Variants in HEATR5A observed in about 807,000 individuals in gnomAD.
The protein encoded by HEATR5A is HEAT repeat-containing protein 5A.
HEATR5A carries 178 observed loss-of-function variants against 218.8 expected under a neutral mutation model. That is an observed-to-expected ratio of 0.81 (90% CI 0.72 to 0.92). HEATR5A has a LOEUF of 0.92. Ranked by LOEUF, HEATR5A falls within the 40% of genes least tolerant of loss-of-function variation. HEATR5A has a pLI of 0.00. For missense variants in HEATR5A, 2,420 were observed against 2,418.9 expected, an observed-to-expected ratio of 1.00 and a Z score of -0.01; for synonymous variants, 864 against 871.6, an observed-to-expected ratio of 0.99 and a Z score of 0.15.
chr14:31,409,507 C>A (rs557775214), intron 1 of HEATR5A, among the ~76,000 whole-genome samples: 1 of 152,216 alleles, frequency 6.6e-6, no homozygotes, highest in South Asian at 2.1e-4. Flanking sequence ...CATGACCAAC[C>A]TGGGCAACAT....
intron 34 of HEATR5A, 98 bp downstream of exon 34, chr14:31,295,811 T>C: frequency 1.1e-6 from 1 of 912,962 alleles, no homozygotes; most frequent in South Asian, 1.7e-5. Context: ...AATTGTAGTC[T>C]AATACTTCCT....
In HEATR5A at chr14:31,400,324, A is replaced by C. The variant is rs960657685; in HGVS notation, c.315T>G (p.Ser105=). The C allele has an allele frequency of 1.3e-6, 2 of 1,533,918 alleles. No individual in the cohort carries two copies. The highest frequency in any genetic ancestry group is 1.7e-6 in the Non-Finnish European group (2 of 1,145,094). ...CNDLIRSKDD[S]PSYLPTKLAA... is the part of the protein sequence containing the mutation. ...ACAGCTTAGTGGGAAGATAACTTGG[A>C]GAATCATCTTTGCTACGAATAAGAT... The change falls in exon 3 of 36, where the codon TCT becomes TCG. Residue 105 remains serine (S), a synonymous_variant. Transcript: ENST00000543095.
Position 31,312,981 on chromosome 14 carries a change from T to C in HEATR5A, c.4428A>G (p.Gln1476=). 1.9e-6 allele frequency: 3 copies of C among 1,611,580 alleles called. No individual in the cohort carries two copies. Among genetic ancestry groups the C allele is most frequent in the Non-Finnish European group, 1.7e-6 (2 of 1,177,888 alleles). The change falls in exon 28 of 36, where the codon CAA becomes CAG. Residue 1476 remains glutamine, a synonymous_variant. Coordinates refer to ENST00000543095, the MANE Select transcript of HEATR5A (RefSeq NM_015473.4). ...TTATCTCCTTACCTTCAGCAGGAAGTTGGGAGGCAAATTCTGAAGGCAAAG... is the reference window on the plus strand; with the variant it reads ...TTATCTCCTTACCTTCAGCAGGAAGCTGGGAGGCAAATTCTGAAGGCAAAG... ...LLTLPSEFAS[Q]LPAEGGAFYT...
chr14:31,387,437 CA>C, intron 7 of HEATR5A, 62 bp from the exon 8 acceptor site: 3 of 1,167,292 alleles, frequency 2.6e-6, no homozygotes, highest in Non-Finnish European at 3.7e-6. Flanking sequence ...TTCTCCCCCA[CA>C]AAACATGTAG....
intron 10 of HEATR5A, among the ~76,000 whole-genome samples, chr14:31,381,240 C>G (rs1269117691): frequency 2.0e-5 from 3 of 150,520 alleles, no homozygotes; most frequent in African/African-American, 7.3e-5. Context: ...CAGAGTGAGA[C>G]TCAGTCTCAA....
At chr14:31,319,443 G>A (rs1248370342) in intron 25 of HEATR5A, among the ~76,000 whole-genome samples, 1 of 152,098 alleles carries the variant, frequency 6.6e-6, no homozygotes, top group African/African-American at 2.4e-5. Context: ...ATGAGCCACC[G>A]CGCCCGGCCT....
Position 31,308,395 on chromosome 14 carries a change from T to C in HEATR5A, c.4691-375A>G, listed in dbSNP as rs187239096. ...GGTGGCGCATGCCTGTAATCCTAGC[T>C]ACTCAGGAGGCTGAGGCAGGTGAAT... is the stretch of plus-strand genomic sequence containing the variant. On this transcript the variant is annotated intron_variant, in intron 29 of 35. Coordinates refer to ENST00000543095, the MANE Select transcript of HEATR5A (RefSeq NM_015473.4). Among the ~76,000 whole-genome samples the C allele has an allele frequency of 9.6e-4, 146 of 151,428 alleles. No homozygotes were observed. In the Middle Eastern group the frequency reaches 0.014, roughly 14 times the overall value.
intron 25 of HEATR5A, chr14:31,320,576 C>G: frequency 1.2e-6 from 1 of 811,610 alleles, no homozygotes; most frequent in South Asian, 1.3e-5. Flanking sequence ...CCTGATTAGA[C>G]CCCTGGTACA....
intron 1 of HEATR5A, among the ~76,000 whole-genome samples, chr14:31,407,607 TA>T (rs2031125685): frequency 2.7e-3 from 3 of 1,092 alleles, no homozygotes; most frequent in African/African-American, 5.1e-3. Flanking sequence ...TATATATATA[TA>T]TATATATATA....
intron 21 of HEATR5A, among the ~76,000 whole-genome samples, chr14:31,339,252 C>T (rs537764829): frequency 1.1e-4 from 16 of 151,712 alleles, no homozygotes; most frequent in African/African-American, 3.9e-4. Flanking sequence ...GAGTTTGAGA[C>T]CAGCCTGGCC....
At chr14:31,328,600 C>A (rs1418607296) in intron 22 of HEATR5A, among the ~76,000 whole-genome samples, 1 of 152,106 alleles carries the variant, frequency 6.6e-6, no homozygotes, top group Non-Finnish European at 1.5e-5. Context: ...AGGTTTCAGT[C>A]CAGGCACAGT....
At chr14:31,332,443 C>A (rs1900504761) in intron 22 of HEATR5A, among the ~76,000 whole-genome samples, 1 of 152,116 alleles carries the variant, frequency 6.6e-6, no homozygotes, top group Non-Finnish European at 1.5e-5. Context: ...AATGGCCTTG[C>A]AGTGTTCATG....
Position 31,386,655 on chromosome 14 carries a change from T to C in HEATR5A, c.1190-80A>G, listed in dbSNP as rs189497220. On this transcript the variant is annotated intron_variant, in intron 8 of 35. Coordinates refer to ENST00000543095, the MANE Select transcript of HEATR5A (RefSeq NM_015473.4). ...AAAGGGTGTGAAGAGTAAAAAGGTA[T>C]AACGGCAAAAATTTACACATACACT... 34 of 1,321,640 alleles carry C rather than the reference T, an allele frequency of 2.6e-5. No homozygotes were observed. In the African/African-American group the frequency reaches 4.6e-4, roughly 18 times the overall value. The allele number at this position is 1,321,640 out of a possible 1,614,324, so 81.9% of individuals were successfully genotyped here.
At chr14:31,369,653 C>T (rs1409844422) in intron 13 of HEATR5A, among the ~76,000 whole-genome samples, 6 of 138,588 alleles carry the variant, frequency 4.3e-5, no homozygotes, top group African/African-American at 1.1e-4. Flanking sequence ...AATGGCCTGA[C>T]GCAGTGGCTC....
intron 7 of HEATR5A, among the ~76,000 whole-genome samples, 167 bp from the exon 8 acceptor site, chr14:31,387,542 T>C (rs1373367700): frequency 6.6e-6 from 1 of 151,322 alleles, no homozygotes; most frequent in Non-Finnish European, 1.5e-5. Context: ...TTTGTTTTTG[T>C]TTAAGCCAGA....
At position 31,313,093 on chromosome 14, in the gene HEATR5A, G is replaced by T. The variant is rs761348027; in HGVS notation, c.4316C>A (p.Ser1439Ter). Residue 1439 changes from serine (S) to a stop codon, truncating the protein, a stop_gained, in exon 28 of 36, where the codon TCA becomes TAA. Transcript: ENST00000543095. LOFTEE classifies it high-confidence loss of function. ...ATAGACTAAGTCAAGCAGTCCATCT[G>T]ATGAACATGATCCATTTCTGATACC... ...EDGIRNGSCS[S>*]DGLLDLVYAD... 1 of 1,613,618 alleles carries T rather than the reference G, an allele frequency of 6.2e-7. No homozygotes were observed. The highest frequency in any genetic ancestry group is 8.5e-7 in the Non-Finnish European group (1 of 1,179,660).
At chr14:31,311,999 G>A (rs1232374015) in intron 28 of HEATR5A, among the ~76,000 whole-genome samples, 1 of 152,190 alleles carries the variant, frequency 6.6e-6, no homozygotes, top group Non-Finnish European at 1.5e-5. Flanking sequence ...GAGGTCCAGT[G>A]GTGGAGCATG....
rs777911336 is a variant in HEATR5A, at chr14:31,293,128, C to T, written c.*177G>A. 50 of 492,120 alleles carry T rather than the reference C, an allele frequency of 1.0e-4. No individual in the cohort carries two copies. Among genetic ancestry groups the T allele is most frequent in the Non-Finnish European group, 1.7e-4 (49 of 284,212 alleles). 30.5% of individuals were successfully genotyped at this position (492,120 alleles called of 1,614,324 possible). ...AAACAAAACAAAACAAAACACAAAC[C>T]CCACGCACACACACAAAAATGTTAA... On this transcript the variant is annotated 3_prime_UTR_variant, in exon 36 of 36. Transcript: ENST00000543095.
intron 13 of HEATR5A, among the ~76,000 whole-genome samples, chr14:31,367,291 A>C: frequency 6.6e-6 from 1 of 152,206 alleles, no homozygotes; most frequent in East Asian, 1.9e-4. Flanking sequence ...ACTTTGTAAA[A>C]TACCTCAATA....
Sources: gnomAD v4.1 joint callset for allele counts (sites outside exome capture counted in the v4.1 genomes callset) on GRCh38, gnomAD v4.1.1 for gene constraint, MANE v1.5 for transcripts, NCBI Gene and HGNC (gene_info 2026-07-23, HGNC 2026-07-21) for gene names.